The following USP34 variants were observed in gnomAD, a reference collection of about 807,000 sequenced individuals.
USP34 encodes ubiquitin specific peptidase 34.
In USP34, 70 loss-of-function variants were observed where a neutral mutation model predicts 460.3. That is an observed-to-expected ratio of 0.15 (90% CI 0.13 to 0.19). USP34 has a LOEUF of 0.19. USP34 is among the 10% of genes least tolerant of loss of function. The pLI, the probability that USP34 is intolerant of heterozygous loss-of-function variation, is 1.00. For missense variants in USP34, 3,985 were observed against 4,236.2 expected, an observed-to-expected ratio of 0.94 and a Z score of 1.65; for synonymous variants, 1,647 against 1,405.3, an observed-to-expected ratio of 1.17 and a Z score of -3.85.
intron 27 of USP34, among the ~76,000 whole-genome samples, chr2:61,310,371 A>T (rs1017619785): frequency 2.0e-5 from 3 of 152,158 alleles, no homozygotes; most frequent in Non-Finnish European, 4.4e-5. Flanking sequence ...AGAAAAATGA[A>T]TCAAGTTATT....
At chr2:61,254,833 G>C (rs1490653587) in intron 48 of USP34, among the ~76,000 whole-genome samples, 1 of 152,150 alleles carries the variant, frequency 6.6e-6, no homozygotes, top group East Asian at 1.9e-4. Context: ...GCACGCATTA[G>C]TAGAACAAGT....
In USP34 at chr2:61,256,468, T is replaced by C; in HGVS notation, c.6137A>G (p.Asp2046Gly). 6.2e-7 allele frequency: 1 copy of C among 1,602,978 alleles called. No homozygotes were observed. Among genetic ancestry groups the C allele is most frequent in the Non-Finnish European group, 8.5e-7 (1 of 1,173,726 alleles). Residue 2046 changes from aspartate to glycine, a missense_variant, in exon 48 of 80, where the codon GAT becomes GGT. Around this residue, in one of 14 missense-constraint regions of USP34, gnomAD observed 145 missense variants for 291.6 expected, o/e 0.50. Transcript: ENST00000398571. Reference protein sequence around the residue: ...ADMKNIYESLDEVTIKDTLEG... With the variant: ...ADMKNIYESLGEVTIKDTLEG... Reference sequence around the variant, plus strand: ...CAAAGTGTCTTTTATAGTAACTTCATCAAGAGATTCCTGTGTATAAAACCA... The same window carrying C: ...CAAAGTGTCTTTTATAGTAACTTCACCAAGAGATTCCTGTGTATAAAACCA...
chr2:61,353,177 AAG>A (rs1691996238), intron 10 of USP34, among the ~76,000 whole-genome samples: 1 of 152,190 alleles, frequency 6.6e-6, no homozygotes, highest in South Asian at 2.1e-4. Flanking sequence ...CCTGAACATC[AAG>A]ATTCTCTGTT....
chr2:61,415,664 G>A (rs1042341417), intron 2 of USP34, among the ~76,000 whole-genome samples: 2 of 152,180 alleles, frequency 1.3e-5, no homozygotes, highest in African/African-American at 4.8e-5. Flanking sequence ...AGGAGACAGG[G>A]GACACAGGGA....
At chr2:61,427,351 A>C (rs1470662196) in intron 1 of USP34, among the ~76,000 whole-genome samples, 1 of 152,136 alleles carries the variant, frequency 6.6e-6, no homozygotes, top group African/African-American at 2.4e-5. Context: ...AATATCTAGA[A>C]AGCCTTCCCA....
At chr2:61,282,437 A>C (rs983179862) in intron 37 of USP34, among the ~76,000 whole-genome samples, 1 of 152,220 alleles carries the variant, frequency 6.6e-6, no homozygotes, top group South Asian at 2.1e-4. Context: ...CAACATGGGA[A>C]GCAAAATATA....
At position 61,348,385 on chromosome 2, in the gene USP34, G is replaced by A. The variant is rs765264636; in HGVS notation, c.1770C>T (p.Ser590=). Residue 590 remains serine (S), a synonymous_variant, in exon 15 of 80, where the codon AGC becomes AGT. Transcript: ENST00000398571. ...TTGCGTGGCTAGAATTAACCTCATT[G>A]CTAGATCCATCACTATGCCCACTAC... is the stretch of plus-strand genomic sequence containing the variant. The part of the protein sequence containing the change: ...GSSSGHSDGS[S]NEVNSSHASQ... The A allele has an allele frequency of 6.2e-7, 1 of 1,613,922 alleles. No homozygotes were observed. Among genetic ancestry groups the A allele is most frequent in the Admixed American group, 1.7e-5 (1 of 60,016 alleles).
At chr2:61,462,787 C>G (rs566521648) in intron 1 of USP34, among the ~76,000 whole-genome samples, 2 of 150,496 alleles carry the variant, frequency 1.3e-5, no homozygotes, top group African/African-American at 4.9e-5. Flanking sequence ...CTTGAGCCCC[C>G]CAAGGCAGAG....
intron 10 of USP34, among the ~76,000 whole-genome samples, chr2:61,362,335 A>G (rs926123067): frequency 6.6e-6 from 1 of 152,170 alleles, no homozygotes; most frequent in Non-Finnish European, 1.5e-5. Flanking sequence ...TGAAATCACT[A>G]TCTCAGAGAT....
intron 18 of USP34, among the ~76,000 whole-genome samples, chr2:61,338,437 T>C (rs1041790143): frequency 1.3e-5 from 2 of 152,250 alleles, no homozygotes; most frequent in Non-Finnish European, 2.9e-5. Context: ...CTCAACGTAT[T>C]GCCCTTTAAA....
At chr2:61,388,943 G>T (rs1693256523) in intron 5 of USP34, among the ~76,000 whole-genome samples, 1 of 151,742 alleles carries the variant, frequency 6.6e-6, no homozygotes, top group Non-Finnish European at 1.5e-5. Flanking sequence ...AAAATAAATT[G>T]GTATATTTTA....
At chr2:61,376,419 T>G (rs984338820) in intron 8 of USP34, among the ~76,000 whole-genome samples, 1 of 152,230 alleles carries the variant, frequency 6.6e-6, no homozygotes, top group African/African-American at 2.4e-5. Flanking sequence ...GCATTTGTTA[T>G]TGGAATTCCT....
chr2:61,203,585 T>C (rs562470818), intron 74 of USP34, among the ~76,000 whole-genome samples: 1 of 152,158 alleles, frequency 6.6e-6, no homozygotes, highest in South Asian at 2.1e-4. Context: ...TTGAAATAGA[T>C]TCCAAGTTAT....
chr2:61,417,716 A>G (rs1467275944), intron 2 of USP34, among the ~76,000 whole-genome samples: 1 of 137,668 alleles, frequency 7.3e-6, no homozygotes, highest in African/African-American at 2.6e-5. Flanking sequence ...AAAATACTAA[A>G]ATCTTTTTTT....
Position 61,395,083 on chromosome 2 carries a change from G to A in USP34, c.604-81C>T, listed in dbSNP as rs1047027839. The A allele has an allele frequency of 4.1e-6, 6 of 1,465,360 alleles. No individual in the cohort carries two copies. The African/African-American group carries it at 7.2e-5, about 18-fold the overall frequency. 90.8% of individuals were successfully genotyped at this position (1,465,360 alleles called of 1,614,324 possible). ...TTAGCAATACTGGAAAGATACTGATGAGAAACTCAAAAGACATATATAAAT... is the reference window on the plus strand; with the variant it reads ...TTAGCAATACTGGAAAGATACTGATAAGAAACTCAAAAGACATATATAAAT... On this transcript the variant is annotated intron_variant, in intron 4 of 79. Coordinates refer to ENST00000398571, the MANE Select transcript of USP34 (RefSeq NM_014709.4).
chr2:61,234,658 T>A (rs1688011482), intron 57 of USP34, among the ~76,000 whole-genome samples: 1 of 152,188 alleles, frequency 6.6e-6, no homozygotes. Flanking sequence ...TTTGTTAAAT[T>A]GAGACAGAGT....
rs775640515 is a variant in USP34, at chr2:61,204,529, T to C, written c.9227A>G (p.Asn3076Ser). 3.1e-6 allele frequency: 5 copies of C among 1,614,104 alleles called. No individual in the cohort carries two copies. Among genetic ancestry groups the C allele is most frequent in the Admixed American group, 3.3e-5 (2 of 60,022 alleles). The stretch of plus-strand genomic sequence containing the variant: ...ATTACTGTGATGGTAAGTACAATGG[T>C]TGTGTTGTAGAAAGGGAACCAGAGT... Reference protein sequence around the residue: ...LHTLVPFLQHNHCTYHHSNIP... With the variant: ...LHTLVPFLQHSHCTYHHSNIP... The change falls in exon 73 of 80, where the codon AAC (asparagine) becomes AGC (serine). Residue 3076 changes from asparagine to serine, a missense_variant. By Grantham distance (46) the Asn-to-Ser change is conservative. This residue lies in a region of USP34 where 275 missense variants were observed against 292.7 expected (regional missense o/e 0.94). Transcript: ENST00000398571.
intron 33 of USP34, among the ~76,000 whole-genome samples, chr2:61,289,208 T>A (rs1049046298): frequency 1.5e-4 from 23 of 152,174 alleles, no homozygotes; most frequent in African/African-American, 2.2e-4. Flanking sequence ...TATAATTTTT[T>A]AAAAAATTAA....
chr2:61,375,812 A>C (rs1692780820), intron 8 of USP34, among the ~76,000 whole-genome samples: 1 of 151,314 alleles, frequency 6.6e-6, no homozygotes, highest in Non-Finnish European at 1.5e-5. Flanking sequence ...CAATCCAAAT[A>C]TCCATCAACT....
Sources: allele counts gnomAD v4.1 joint callset (sites outside exome capture counted in the v4.1 genomes callset), GRCh38; gene constraint gnomAD v4.1.1; regional missense constraint gnomAD v4.1.1; transcripts MANE v1.5; gene names NCBI Gene and HGNC (gene_info 2026-07-23, HGNC 2026-07-21).